Variants in SETD2 observed in about 807,000 individuals in gnomAD.
The protein encoded by SETD2 is SET domain containing 2, histone lysine methyltransferase.
A neutral mutation model predicts 242.1 loss-of-function variants in SETD2; 31 were observed. The ratio of observed to expected loss-of-function variants is 0.13; its 90% CI spans 0.10 to 0.17. The LOEUF is 0.17. Ranked by LOEUF, SETD2 falls within the 10% of genes least tolerant of loss-of-function variation. SETD2 has a pLI of 1.00. For missense variants in SETD2, 2,481 were observed against 3,046.3 expected (o/e 0.81, Z 4.37); for synonymous variants, 1,006 against 1,066.5 (o/e 0.94, Z 1.11).
rs1481586295 is a variant in SETD2, at chr3:47,091,374, T to G, written c.5143-3127A>C. On this transcript the variant is annotated intron_variant, in intron 9 of 20. Transcript: ENST00000409792. ...CAGACACAGTGGCTCACACCTGTAA[T>G]CCCAGCACTTGAGAGGCCAAGGCGG... is the stretch of plus-strand genomic sequence containing the variant. 5.3e-5 allele frequency among the ~76,000 whole-genome samples: 8 copies of G among 152,240 alleles called. 1 individual carries two copies. The South Asian group carries it at 1.7e-3, about 32-fold the overall frequency.
chr3:47,106,187 G>A (rs1227167143), intron 5 of SETD2, 67 bp from the exon 6 acceptor site: 10 of 1,409,870 alleles, frequency 7.1e-6, no homozygotes, highest in South Asian at 1.3e-5. Context: ...TATATGCTCA[G>A]GCAAAAATAA....
intron 14 of SETD2, 88 bp downstream of exon 14, chr3:47,062,075 T>C (rs897950481): frequency 1.6e-5 from 19 of 1,181,214 alleles, no homozygotes; most frequent in African/African-American, 3.1e-5. Context: ...AAGCCCTTGA[T>C]GTTCACAATC....
At chr3:47,114,507 G>C (rs749194776) in intron 4 of SETD2, among the ~76,000 whole-genome samples, 2 of 152,116 alleles carry the variant, frequency 1.3e-5, no homozygotes, top group Non-Finnish European at 2.9e-5. Context: ...ATGGATCCTA[G>C]AGTAAAAATG....
At chr3:47,143,471 A>C (rs866102051) in intron 1 of SETD2, among the ~76,000 whole-genome samples, 2 of 152,210 alleles carry the variant, frequency 1.3e-5, no homozygotes, top group African/African-American at 4.8e-5. Context: ...CCTGCAAAAA[A>C]TATCTTTTGT....
intron 1 of SETD2, among the ~76,000 whole-genome samples, chr3:47,141,661 T>C (rs980002892): frequency 6.6e-6 from 1 of 152,118 alleles, no homozygotes; most frequent in African/African-American, 2.4e-5. Context: ...TCTTTTGTTA[T>C]AAAGAAAAAA....
chr3:47,020,236 C>T (rs2038158736), intron 18 of SETD2, among the ~76,000 whole-genome samples: 3 of 152,112 alleles, frequency 2.0e-5, no homozygotes, highest in Non-Finnish European at 4.4e-5. Flanking sequence ...AGGCGAAATG[C>T]TCTGTTCTGA....
At chr3:47,077,642 G>T (rs2041147737) in intron 12 of SETD2, among the ~76,000 whole-genome samples, 1 of 152,172 alleles carries the variant, frequency 6.6e-6, no homozygotes, top group African/African-American at 2.4e-5. Flanking sequence ...ACGGGTCCTA[G>T]AAACACTGTC....
rs2107548950 is a variant in SETD2 at position 47,046,490 on chromosome 3, C to A, written c.7095G>T (p.Gln2365His). The A allele has an allele frequency of 6.3e-7, 1 of 1,595,616 alleles. No individual in the cohort carries two copies. Among genetic ancestry groups the A allele is most frequent in the Admixed American group, 1.7e-5 (1 of 57,614 alleles). ...IVAPGQPQPL[Q>H]PSEMVVTNNL... ...TAACAACTGAAACATTTCTTACTGG[C>A]TGCAAGGGCTGAGGCTGCCCTGGTG... Residue 2365 changes from glutamine (Q) to histidine (H), a missense_variant, in exon 16 of 21, where the codon CAG becomes CAT. This residue lies in a region of SETD2 where 235 missense variants were observed against 293.9 expected (regional missense o/e 0.80). Transcript: ENST00000409792.
intron 17 of SETD2, among the ~76,000 whole-genome samples, chr3:47,037,981 T>C (rs2039096380): frequency 6.6e-6 from 1 of 152,208 alleles, no homozygotes; most frequent in African/African-American, 2.4e-5. Context: ...ATGACTGTAT[T>C]TCTGTGGGCA....
chr3:47,155,127 A>C (rs996100628), intron 1 of SETD2, among the ~76,000 whole-genome samples: 1 of 152,208 alleles, frequency 6.6e-6, no homozygotes, highest in Non-Finnish European at 1.5e-5. Context: ...AAAAAGACTA[A>C]GAGACATGAC....
Position 47,120,537 on chromosome 3 carries a change from C to A in SETD2, c.4099G>T (p.Val1367Leu). 6.2e-7 allele frequency: 1 copy of A among 1,614,146 alleles called. No homozygotes were observed. Among genetic ancestry groups the A allele is most frequent in the Non-Finnish European group, 8.5e-7 (1 of 1,180,016 alleles). The change falls in exon 3 of 21, where the codon GTG becomes TTG. Residue 1367 changes from valine to leucine, a missense_variant. By Grantham distance (32) the Val-to-Leu change is conservative. This residue lies in a region of SETD2 where 1,300 missense variants were observed against 1,259.2 expected (regional missense o/e 1.03). Coordinates refer to ENST00000409792, the MANE Select transcript of SETD2 (RefSeq NM_014159.7). Reference sequence around the variant, plus strand: ...TTGCTGCTTATTTCAGGTGCTTGCACTGACCCCTTGTCTTTCTGAAGGGAT... The same window carrying A: ...TTGCTGCTTATTTCAGGTGCTTGCAATGACCCCTTGTCTTTCTGAAGGGAT... Reference protein sequence around the residue: ...LLSLQKDKGSVQAPEISSNSI... With the variant: ...LLSLQKDKGSLQAPEISSNSI...
intron 1 of SETD2, among the ~76,000 whole-genome samples, chr3:47,162,119 T>C (rs1226499625): frequency 2.6e-5 from 4 of 152,136 alleles, no homozygotes; most frequent in Non-Finnish European, 2.9e-5. Context: ...TATGAAAAAT[T>C]GTTTTTCCCC....
Position 47,017,506 on chromosome 3 carries a change from C to G in SETD2, c.7533+132G>C, listed in dbSNP as rs923629681. 1 of 754,826 alleles carries G rather than the reference C, an allele frequency of 1.3e-6. No homozygotes were observed. Among genetic ancestry groups the G allele is most frequent in the Non-Finnish European group, 2.2e-6 (1 of 455,116 alleles). The allele number at this position is 754,826 out of a possible 1,614,324, so 46.8% of individuals were successfully genotyped here. A position where few individuals can be genotyped will look rare whatever the true frequency, so the allele number is the denominator to read the frequency against. On this transcript the variant is annotated intron_variant, in intron 20 of 20. Coordinates refer to ENST00000409792, the MANE Select transcript of SETD2 (RefSeq NM_014159.7). The surrounding 1 kb of genome is among the most constrained non-coding windows in gnomAD (Gnocchi z 4.8). ...CATCCCTCCCCAAACCTTCCCTCCCCGTTCCTGGGTCCCCAGCTCTGACAT... is the reference window on the plus strand; with the variant it reads ...CATCCCTCCCCAAACCTTCCCTCCCGGTTCCTGGGTCCCCAGCTCTGACAT...
chr3:47,063,391 T>C (rs2040424002), intron 13 of SETD2, among the ~76,000 whole-genome samples: 1 of 152,040 alleles, frequency 6.6e-6, no homozygotes, highest in Non-Finnish European at 1.5e-5. Flanking sequence ...GCAGGAAGAC[T>C]GCTTCAGCCC....
intron 4 of SETD2, among the ~76,000 whole-genome samples, chr3:47,116,230 C>T (rs1214621390): frequency 6.6e-6 from 1 of 152,034 alleles, no homozygotes; most frequent in African/African-American, 2.4e-5. Context: ...AACAATGGGA[C>T]TGATGTTTGG....
At chr3:47,095,298 G>T (rs1275253330) in intron 9 of SETD2, among the ~76,000 whole-genome samples, 3 of 152,032 alleles carry the variant, frequency 2.0e-5, no homozygotes, top group Non-Finnish European at 2.9e-5. Flanking sequence ...ACCACGCCCA[G>T]CAAATTTTTG....
At chr3:47,069,484 G>T (rs1003143547) in intron 12 of SETD2, among the ~76,000 whole-genome samples, 4 of 152,212 alleles carry the variant, frequency 2.6e-5, no homozygotes, top group African/African-American at 9.6e-5. Flanking sequence ...GGATGTGGAT[G>T]CCAGACATGC....
intron 14 of SETD2, among the ~76,000 whole-genome samples, chr3:47,060,849 A>T (rs1391068144): frequency 1.3e-5 from 2 of 152,212 alleles, no homozygotes; most frequent in Admixed American, 1.3e-4. Context: ...TATCACCAAG[A>T]CAAAATTATA....
At chr3:47,164,808 C>T (rs575255783), upstream of SETD2, among the ~76,000 whole-genome samples, 20 of 152,340 alleles carry the variant, frequency 1.3e-4, 1 homozygote, top group South Asian at 3.9e-3. This position sits in a 1 kb window ranked among gnomAD's most constrained non-coding sequence, Gnocchi z 5.4. Context: ...ACCTCCACCT[C>T]GGCGCGGCGC....
Sources: gnomAD v4.1 joint callset for allele counts (sites outside exome capture counted in the v4.1 genomes callset) on GRCh38, gnomAD v4.1.1 for gene constraint, gnomAD v4.1.1 regional missense constraint, Gnocchi (gnomAD v3.1) non-coding constraint, MANE v1.5 for transcripts, NCBI Gene and HGNC (gene_info 2026-07-23, HGNC 2026-07-21) for gene names.